GRIA3: variants seen among roughly 807,000 people sequenced by gnomAD.
GRIA3 encodes glutamate receptor 3.
Under a neutral mutation model 63.0 loss-of-function variants are expected in GRIA3, and 3 were observed. The observed-to-expected ratio is 0.05, with a 90% CI of 0.02 to 0.12. The LOEUF (loss-of-function observed/expected upper bound fraction) is 0.12, where lower values mean the gene tolerates loss of function less well. GRIA3 is among the 10% of genes least tolerant of loss of function. GRIA3 has a pLI of 1.00. For synonymous variants in GRIA3, 274 were observed against 257.9 expected (o/e 1.06, Z -0.60); for missense variants, 347 against 700.9 (o/e 0.50, Z 5.70).
intron 4 of GRIA3, among the ~76,000 whole-genome samples, chrX:123,345,439 AAC>A (rs59142587): frequency 0.17 from 11,410 of 65,541 alleles, 863 homozygotes; most frequent in African/African-American, 0.21. Context: ...CCCCCTTCAC[AAC>A]ACACACACAC....
chrX:123,296,763 A>G (rs112727785), intron 3 of GRIA3, among the ~76,000 whole-genome samples: 2,351 of 111,250 alleles, frequency 0.021, 58 homozygotes, highest in African/African-American at 0.072. Context: ...ACCAAAGTTG[A>G]CAGTCCACAT....
At chrX:123,321,768 T>C (rs940699796) in intron 3 of GRIA3, among the ~76,000 whole-genome samples, 10 of 111,941 alleles carry the variant, frequency 8.9e-5, no homozygotes, top group Non-Finnish European at 1.9e-4. Context: ...GAAATAGAGA[T>C]TCACATGCAA....
chrX:123,452,979 G>A (rs1356834708), intron 12 of GRIA3, among the ~76,000 whole-genome samples: 1 of 112,326 alleles, frequency 8.9e-6, no homozygotes, highest in Non-Finnish European at 1.9e-5. Flanking sequence ...AGAAGTCAGT[G>A]TGGCGATTCC....
chrX:123,334,679 C>A (rs982367555), intron 4 of GRIA3, among the ~76,000 whole-genome samples: 2 of 111,396 alleles, frequency 1.8e-5, no homozygotes, highest in African/African-American at 3.3e-5. Context: ...CATTAGGGAA[C>A]TTTTTGAGAG....
At chrX:123,475,552 G>A (rs1304953801) in intron 13 of GRIA3, among the ~76,000 whole-genome samples, 2 of 111,922 alleles carry the variant, frequency 1.8e-5, no homozygotes, top group Non-Finnish European at 3.8e-5. Context: ...TCAGAGGGGA[G>A]AGTGCCTGAC....
intron 12 of GRIA3, among the ~76,000 whole-genome samples, chrX:123,454,364 G>A (rs922883496): frequency 6.3e-5 from 7 of 111,696 alleles, no homozygotes; most frequent in African/African-American, 2.3e-4. Context: ...ATTTCATAGA[G>A]TTGTTGTGAG....
intron 2 of GRIA3, among the ~76,000 whole-genome samples, chrX:123,237,276 A>T (rs1025923967): frequency 8.9e-6 from 1 of 111,988 alleles, no homozygotes; most frequent in African/African-American, 3.2e-5. Context: ...TTTTAGTTAG[A>T]TCCTAAGTCC....
chrX:123,360,780 A>G (rs1212726625), intron 5 of GRIA3, among the ~76,000 whole-genome samples: 1 of 103,686 alleles, frequency 9.6e-6, no homozygotes, highest in Non-Finnish European at 2.0e-5. Context: ...GTATCTTAAC[A>G]GGCATCAATT....
At chrX:123,264,657 C>T (rs2044477740) in intron 3 of GRIA3, among the ~76,000 whole-genome samples, 2 of 111,938 alleles carry the variant, frequency 1.8e-5, no homozygotes, top group South Asian at 7.5e-4. Flanking sequence ...CTTGAGTCTT[C>T]TCAGGCAGCC....
At position 123,482,910 on chromosome X, in the gene GRIA3, C is replaced by T. The variant is rs1878574884; in HGVS notation, c.2551C>T (p.Arg851Trp). 8.3e-7 allele frequency: 1 copy of T among 1,210,395 alleles called. No individual in the cohort carries two copies. Among genetic ancestry groups the T allele is most frequent in the Non-Finnish European group, 1.1e-6 (1 of 894,882 alleles). The change falls in exon 15 of 16, where the codon CGG becomes TGG. Residue 851 changes from arginine (R) to tryptophan (W), a missense_variant. Arg to Trp is a moderately radical substitution (Grantham distance 101, BLOSUM62 -3). This residue lies in a region of GRIA3 where 29 missense variants were observed against 46.7 expected (regional missense o/e 0.62). Transcript: ENST00000620443. Reference protein sequence around the residue: ...VALIEFCYKSRAESKRMKLTK... With the variant: ...VALIEFCYKSWAESKRMKLTK... The stretch of plus-strand genomic sequence containing the variant: ...TTTGATAGAATTCTGTTACAAATCA[C>T]GGGCAGAGTCCAAACGCATGAAACT...
intron 3 of GRIA3, among the ~76,000 whole-genome samples, chrX:123,303,632 G>A (rs1232558899): frequency 1.8e-5 from 2 of 109,952 alleles, no homozygotes; most frequent in East Asian, 2.9e-4. Context: ...TTGCAATAAG[G>A]CCATGTTATT....
chrX:123,326,333 G>T, intron 4 of GRIA3, 120 bp downstream of exon 4: 1 of 437,388 alleles, frequency 2.3e-6, no homozygotes, highest in Non-Finnish European at 4.0e-6. Flanking sequence ...GTTTTTGATA[G>T]TCTCTCTAAT....
rs188650034 is a variant in GRIA3 at position 123,379,265 on chromosome X, A to G, written c.751-15703A>G. The stretch of plus-strand genomic sequence containing the variant: ...TACTCTATGTTTTATAGTGTCCTAT[A>G]CTGTTTTAGTGCCTTTACATTGATT... On this transcript the variant is annotated intron_variant, in intron 5 of 15. Coordinates refer to ENST00000620443, the MANE Select transcript of GRIA3 (RefSeq NM_007325.5). 9.9e-4 allele frequency among the ~76,000 whole-genome samples: 110 copies of G among 111,625 alleles called. 2 individuals carry two copies. Among genetic ancestry groups the G allele is most frequent in the Middle Eastern group, 4.6e-3 (1 of 219 alleles).
intron 5 of GRIA3, among the ~76,000 whole-genome samples, chrX:123,355,364 A>G (rs2045125815): frequency 8.9e-6 from 1 of 111,889 alleles, no homozygotes; most frequent in African/African-American, 3.2e-5. Context: ...ACCACTACCA[A>G]ATCTTTTTGA....
chrX:123,282,116 C>A (rs907686075), intron 3 of GRIA3, among the ~76,000 whole-genome samples: 5 of 112,494 alleles, frequency 4.4e-5, no homozygotes, highest in Middle Eastern at 4.6e-3. Context: ...GCATTTTTAA[C>A]AAGTTCCCAG....
intron 3 of GRIA3, among the ~76,000 whole-genome samples, chrX:123,313,609 T>A (rs933113580): frequency 1.8e-5 from 2 of 111,128 alleles, no homozygotes; most frequent in African/African-American, 6.6e-5. Flanking sequence ...AACTCAGAAA[T>A]GTTAAGAGGT....
intron 2 of GRIA3, among the ~76,000 whole-genome samples, chrX:123,190,238 C>T (rs1927392360): frequency 9.1e-6 from 1 of 110,315 alleles, no homozygotes; most frequent in South Asian, 3.9e-4. Flanking sequence ...CACTCCCTCC[C>T]TCACTCCCCC....
At chrX:123,368,781 A>C (rs2045229674) in intron 5 of GRIA3, among the ~76,000 whole-genome samples, 1 of 20,501 alleles carries the variant, frequency 4.9e-5, no homozygotes, top group Admixed American at 4.0e-4. Context: ...ATCATAATAC[A>C]AAAAAAAAAA....
chrX:123,427,559 G>A (rs1016255492), intron 11 of GRIA3, among the ~76,000 whole-genome samples: 1 of 111,453 alleles, frequency 9.0e-6, no homozygotes, highest in African/African-American at 3.3e-5. Context: ...GTAATTAAAA[G>A]GAAAAATCCT....
Sources: allele counts gnomAD v4.1 joint callset (sites outside exome capture counted in the v4.1 genomes callset), GRCh38; gene constraint gnomAD v4.1.1; regional missense constraint gnomAD v4.1.1; transcripts MANE v1.5; gene names NCBI Gene and HGNC (gene_info 2026-07-23, HGNC 2026-07-21).